TEX36: variants seen among roughly 807,000 people sequenced by gnomAD.
The protein encoded by TEX36 is testis expressed 36, also known as testis-expressed protein 36.
Under a neutral mutation model 13.6 loss-of-function variants are expected in TEX36, and 12 were observed. The ratio of observed to expected loss-of-function variants is 0.88; its 90% CI spans 0.56 to 1.43. The LOEUF (loss-of-function observed/expected upper bound fraction) is 1.43. Ranked by LOEUF, TEX36 falls within the 40% of genes most tolerant of loss-of-function variation. TEX36 has a pLI of 0.00. For synonymous variants in TEX36, 93 were observed against 83.0 expected, an observed-to-expected ratio of 1.12 and a Z score of -0.65; for missense variants, 224 against 228.3, an observed-to-expected ratio of 0.98 and a Z score of 0.12.
intron 3 of TEX36, among the ~76,000 whole-genome samples, chr10:125,635,870 G>T (rs990043612): frequency 6.6e-6 from 1 of 151,704 alleles, no homozygotes; most frequent in African/African-American, 2.4e-5. Flanking sequence ...GAATTTCTAG[G>T]ACACTTCATT....
At chr10:125,626,088 C>T (rs74982006) in intron 3 of TEX36, among the ~76,000 whole-genome samples, 1,969 of 152,330 alleles carry the variant, frequency 0.013, 43 homozygotes, top group African/African-American at 0.045. Flanking sequence ...CTTAGCCCAA[C>T]TCAGGACAAC....
chr10:125,655,644 T>G, downstream of TEX36: 1 of 1,165,374 alleles, frequency 8.6e-7, no homozygotes, highest in Non-Finnish European at 1.1e-6. Flanking sequence ...AATTTCAAAA[T>G]GAAAATGTGA....
intron 1 of TEX36, among the ~76,000 whole-genome samples, chr10:125,669,432 A>T (rs1454624920): frequency 6.6e-6 from 1 of 151,836 alleles, no homozygotes; most frequent in African/African-American, 2.4e-5. Context: ...GTGAGCCAAG[A>T]TCATGCCATT....
chr10:125,666,317 T>G (rs1847120950), intron 1 of TEX36, among the ~76,000 whole-genome samples: 1 of 152,222 alleles, frequency 6.6e-6, no homozygotes, highest in Non-Finnish European at 1.5e-5. Context: ...CCATTCAGTA[T>G]GATGTTAGCT....
At chr10:125,648,737 C>T (rs568002945) in intron 3 of TEX36, among the ~76,000 whole-genome samples, 4 of 152,040 alleles carry the variant, frequency 2.6e-5, no homozygotes, top group South Asian at 4.1e-4. Flanking sequence ...TCGAACCCAT[C>T]GCAAAGAAGC....
intron 3 of TEX36, among the ~76,000 whole-genome samples, chr10:125,613,001 G>A (rs1846309018): frequency 6.6e-6 from 1 of 151,816 alleles, no homozygotes; most frequent in Non-Finnish European, 1.5e-5. Context: ...AGCCTGCTCT[G>A]GTCTCTTTGC....
intron 3 of TEX36, among the ~76,000 whole-genome samples, chr10:125,584,114 C>T (rs1300261919): frequency 6.6e-6 from 1 of 152,184 alleles, no homozygotes; most frequent in Non-Finnish European, 1.5e-5. Flanking sequence ...CATGAAAGAC[C>T]ACCTCGAGAG....
chr10:125,655,336 C>T (rs1846921763), downstream of TEX36, among the ~76,000 whole-genome samples: 1 of 151,854 alleles, frequency 6.6e-6, no homozygotes, highest in Non-Finnish European at 1.5e-5. Flanking sequence ...TCCCAGCTAC[C>T]GGGAAGGCTG....
chr10:125,603,431 GC>G (rs1431910991), intron 3 of TEX36, among the ~76,000 whole-genome samples: 2 of 151,878 alleles, frequency 1.3e-5, no homozygotes, highest in African/African-American at 4.8e-5. Flanking sequence ...CGTTGCCTGA[GC>G]CCATTTCCCC....
chr10:125,595,021 C>T (rs1158188854), intron 3 of TEX36, among the ~76,000 whole-genome samples: 2 of 152,068 alleles, frequency 1.3e-5, no homozygotes, highest in Non-Finnish European at 1.5e-5. Context: ...TAACTATAGT[C>T]ACAATTAAGA....
intron 1 of TEX36, among the ~76,000 whole-genome samples, chr10:125,669,412 G>A (rs1175973833): frequency 6.6e-5 from 10 of 151,950 alleles, no homozygotes; most frequent in African/African-American, 1.7e-4. Context: ...CCTGGGAGGC[G>A]GAGGTTGCAG....
chr10:125,637,476 T>C (rs1162621611), intron 3 of TEX36, among the ~76,000 whole-genome samples: 1 of 152,188 alleles, frequency 6.6e-6, no homozygotes, highest in African/African-American at 2.4e-5. Context: ...TCTTTATCCA[T>C]TCACCTGTTG....
At chr10:125,653,072 A>G (rs1396927983), downstream of TEX36, among the ~76,000 whole-genome samples, 1 of 152,228 alleles carries the variant, frequency 6.6e-6, no homozygotes, top group African/African-American at 2.4e-5. Context: ...TGTGGAAAAC[A>G]GTGTGGCAAT....
intron 3 of TEX36, among the ~76,000 whole-genome samples, chr10:125,599,085 A>G (rs1405456068): frequency 6.6e-6 from 1 of 152,190 alleles, no homozygotes; most frequent in Non-Finnish European, 1.5e-5. Flanking sequence ...AAAGGTACTT[A>G]TCTTGGATTT....
At chr10:125,603,113 C>A (rs80333085) in intron 3 of TEX36, among the ~76,000 whole-genome samples, 1 of 152,200 alleles carries the variant, frequency 6.6e-6, no homozygotes, top group Non-Finnish European at 1.5e-5. Context: ...TTTTCAGGAG[C>A]GATGACCATC....
rs7085846 is a variant in TEX36 at position 125,681,736 on chromosome 10, G to C, written c.51+1203C>G. Among the ~76,000 whole-genome samples the C allele has an allele frequency of 9.9e-5, 15 of 152,168 alleles. No homozygotes were observed. The South Asian group carries it at 3.1e-3, about 32-fold the overall frequency. On this transcript the variant is annotated intron_variant, in intron 1 of 3. Coordinates refer to ENST00000368821, the MANE Select transcript of TEX36 (RefSeq NM_001128202.3). Reference sequence around the variant, plus strand: ...AAGGTATACATTTGTGTGTATACACGTATATGTACACATACATACAAAGTG... The same window carrying C: ...AAGGTATACATTTGTGTGTATACACCTATATGTACACATACATACAAAGTG...
At chr10:125,651,469 A>G (rs12413056), downstream of TEX36, among the ~76,000 whole-genome samples, 13,219 of 152,288 alleles carry the variant, frequency 0.087, 947 homozygotes, top group East Asian at 0.31. Flanking sequence ...AAAATGCTCA[A>G]TAAACTAGGT....
Position 125,655,967 on chromosome 10 carries a change from A to G in TEX36, c.494T>C (p.Val165Ala), listed in dbSNP as rs1354216159. Residue 165 changes from valine to alanine, a missense_variant, in exon 4 of 4, where the codon GTT (valine) becomes GCT (alanine). Val to Ala is a moderately conservative substitution (Grantham distance 64). Transcript: ENST00000368821. ...CCTTACTTTGGGCTTCTTTTTCAAA[A>G]CCTCTGTATAGCTTCTCTCAGGAAG... is the stretch of plus-strand genomic sequence containing the variant. ...TFLPERSYTE[V>A]LKKKPKVRFT... 1 of 1,548,012 alleles carries G rather than the reference A, an allele frequency of 6.5e-7. No individual in the cohort carries two copies. Among genetic ancestry groups the G allele is most frequent in the East Asian group, 2.4e-5 (1 of 40,862 alleles).
chr10:125,608,280 GATGGTGA>G, intron 3 of TEX36, among the ~76,000 whole-genome samples: 1 of 65,770 alleles, frequency 1.5e-5, no homozygotes, highest in African/African-American at 2.7e-4. Flanking sequence ...AGATTGTGAT[GATGGTGA>G]TGATGGTTTC....
Sources: gnomAD v4.1 joint callset for allele counts (sites outside exome capture counted in the v4.1 genomes callset) on GRCh38, gnomAD v4.1.1 for gene constraint, MANE v1.5 for transcripts, NCBI Gene and HGNC (gene_info 2026-07-23, HGNC 2026-07-21) for gene names.